The following FOLH1 variants were observed in gnomAD, a reference collection of about 807,000 sequenced individuals.
The protein encoded by FOLH1 is folate hydrolase 1.
In FOLH1, 54 loss-of-function variants were observed where a neutral mutation model predicts 93.9. The observed-to-expected ratio is 0.57, with a 90% CI of 0.46 to 0.72. The LOEUF (loss-of-function observed/expected upper bound fraction) is 0.72. Among genes scored for constraint, FOLH1 ranks in the 30% least tolerant of loss-of-function variants. The pLI is 0.00. For synonymous variants in FOLH1, 249 were observed against 303.6 expected (o/e 0.82, Z 1.87); for missense variants, 571 against 892.5 (o/e 0.64, Z 4.59).
chr11:49,200,072 T>C lies in FOLH1; in HGVS notation c.411+183A>G, dbSNP rs1863102715. Reference sequence around the variant, plus strand: ...TTTCTCGAATCTTTCTAAAACACAGTAAACTCAAACATCATAGGAAAGTAG... The same window carrying C: ...TTTCTCGAATCTTTCTAAAACACAGCAAACTCAAACATCATAGGAAAGTAG... On this transcript the variant is annotated intron_variant, in intron 3 of 18. Transcript: ENST00000256999. Among the ~76,000 whole-genome samples, 3 of 152,270 alleles carry C rather than the reference T, an allele frequency of 2.0e-5. No individual in the cohort carries two copies. In the South Asian group the frequency reaches 6.2e-4, roughly 32 times the overall value.
At position 49,169,108 on chromosome 11, in the gene FOLH1, A is replaced by G. The variant is rs111982341; in HGVS notation, c.1372+87T>C. ...ATTCCCTAACCACACATTAATGCAT[A>G]GCCTTCCTTGTTAGTGCATAATTTA... On this transcript the variant is annotated intron_variant, in intron 12 of 18. Coordinates refer to ENST00000256999, the MANE Select transcript of FOLH1 (RefSeq NM_004476.3). 3,784 of 1,451,796 alleles carry G rather than the reference A, an allele frequency of 2.6e-3. 91 individuals are homozygous for G. The African/African-American group carries it at 0.047, about 18-fold the overall frequency. 89.9% of individuals were successfully genotyped at this position (1,451,796 alleles called of 1,614,324 possible). A position where few individuals can be genotyped will look rare whatever the true frequency, so the allele number is the denominator to read the frequency against.
At position 49,146,929 on chromosome 11, in the gene FOLH1, G is replaced by T. The variant is rs200462865; in HGVS notation, c.2080C>A (p.Pro694Thr). Residue 694 changes from proline (P) to threonine (T), a missense_variant, in exon 19 of 19, where the codon CCA (proline) becomes ACA (threonine). Pro to Thr is a conservative substitution (Grantham distance 38). Around this residue, in one of 2 missense-constraint regions of FOLH1, gnomAD observed 500 missense variants for 822.9 expected, o/e 0.61. Coordinates refer to ENST00000256999, the MANE Select transcript of FOLH1 (RefSeq NM_004476.3). ...RPFYRHVIYA[P>T]SSHNKYAGES... ...CCTGCATACTTGTTGTGGCTGCTTGGAGCATAGATGACATGCCTGTTGATA... is the reference window on the plus strand; with the variant it reads ...CCTGCATACTTGTTGTGGCTGCTTGTAGCATAGATGACATGCCTGTTGATA... The T allele has an allele frequency of 3.8e-4, 607 of 1,610,998 alleles. No homozygotes were observed. Among genetic ancestry groups the T allele is most frequent in the Middle Eastern group, 5.0e-4 (3 of 6,034 alleles).
intron 7 of FOLH1, among the ~76,000 whole-genome samples, chr11:49,176,278 C>T (rs1590566365): frequency 6.6e-6 from 1 of 152,132 alleles, no homozygotes; most frequent in Admixed American, 6.5e-5. Context: ...CTTTCCAGAG[C>T]ATGTGCTGAA....
At chr11:49,169,123 T>C (rs1231267890) in intron 12 of FOLH1, 72 bp downstream of exon 12, 2 of 1,532,016 alleles carry the variant, frequency 1.3e-6, no homozygotes, top group African/African-American at 2.7e-5. Flanking sequence ...TCCTTGTTAG[T>C]GCATAATTTA....
intron 7 of FOLH1, 83 bp from the exon 8 acceptor site, chr11:49,176,040 G>C: frequency 8.2e-7 from 1 of 1,215,968 alleles, no homozygotes; most frequent in Non-Finnish European, 1.2e-6. Context: ...ACTTTATTGA[G>C]CATCTGCTCA....
At position 49,198,921 on chromosome 11, in the gene FOLH1, T is replaced by C. The variant is rs187812555; in HGVS notation, c.411+1334A>G. ...TGCCACCACGCCTGGCTTAATAATA[T>C]TTTTTAAAGTTATATTGTTAACTAC... On this transcript the variant is annotated intron_variant, in intron 3 of 18. Coordinates refer to ENST00000256999, the MANE Select transcript of FOLH1 (RefSeq NM_004476.3). 1.8e-4 allele frequency among the ~76,000 whole-genome samples: 28 copies of C among 152,118 alleles called. No homozygotes were observed. In the East Asian group the frequency reaches 5.2e-3, roughly 28 times the overall value.
Position 49,183,207 on chromosome 11 carries a change from C to G in FOLH1, c.862G>C (p.Gly288Arg), listed in dbSNP as rs2135178230. The G allele has an allele frequency of 6.2e-7, 1 of 1,612,558 alleles. No individual in the cohort carries two copies. Among genetic ancestry groups the G allele is most frequent in the East Asian group, 2.2e-5 (1 of 44,834 alleles). Residue 288 changes from glycine (G) to arginine (R), a missense_variant, in exon 7 of 19, where the codon GGT becomes CGT. Around this residue, in one of 2 missense-constraint regions of FOLH1, gnomAD observed 500 missense variants for 822.9 expected, o/e 0.61. Transcript: ENST00000256999. ...GGATGAACAGGAATACTTGGAAGACCAACAGCCTCTGCAATTCCACGCCTA... is the reference window on the plus strand; with the variant it reads ...GGATGAACAGGAATACTTGGAAGACGAACAGCCTCTGCAATTCCACGCCTA... Reference protein sequence around the residue: ...AYRRGIAEAVGLPSIPVHPIG... With the variant: ...AYRRGIAEAVRLPSIPVHPIG...
At chr11:49,206,673 G>T (rs1008687312) in intron 1 of FOLH1, 19 of 973,496 alleles carry the variant, frequency 2.0e-5, no homozygotes, top group South Asian at 8.1e-5. Context: ...CTTCTAATTT[G>T]CTCTGATTCT....
chr11:49,156,100 G>A (rs1857007526), intron 15 of FOLH1, among the ~76,000 whole-genome samples: 1 of 151,736 alleles, frequency 6.6e-6, no homozygotes, highest in Non-Finnish European at 1.5e-5. Context: ...CTGCTGCCAG[G>A]TAAGATGTAA....
chr11:49,160,636 G>A (rs1346014534), intron 13 of FOLH1, among the ~76,000 whole-genome samples: 4 of 152,038 alleles, frequency 2.6e-5, no homozygotes, highest in Admixed American at 2.0e-4. Flanking sequence ...TAGAGACGGG[G>A]TTTCACTGTG....
intron 9 of FOLH1, 99 bp downstream of exon 9, chr11:49,174,793 G>C (rs1859798981): frequency 1.5e-5 from 15 of 1,018,984 alleles, no homozygotes; most frequent in South Asian, 3.2e-5. Context: ...TTGTTTGTTT[G>C]TTTGTTTGTT....
At chr11:49,180,553 C>T (rs1158663931) in intron 7 of FOLH1, among the ~76,000 whole-genome samples, 1 of 152,132 alleles carries the variant, frequency 6.6e-6, no homozygotes, top group African/African-American at 2.4e-5. Flanking sequence ...TATTAATAAA[C>T]TTTTATTTCA....
chr11:49,161,059 T>G (rs1857645309), intron 13 of FOLH1, among the ~76,000 whole-genome samples: 1 of 152,186 alleles, frequency 6.6e-6, no homozygotes, highest in Non-Finnish European at 1.5e-5. Context: ...ATGTGATCAA[T>G]TTTAGAGTAA....
chr11:49,165,904 A>G (rs994193548), intron 12 of FOLH1, among the ~76,000 whole-genome samples: 3 of 152,240 alleles, frequency 2.0e-5, no homozygotes, highest in Admixed American at 6.5e-5. Context: ...AAGAGTGGAA[A>G]TTGGGGAGTG....
At chr11:49,206,307 A>G in intron 1 of FOLH1, 135 bp from the exon 2 acceptor site, 3 of 1,343,812 alleles carry the variant, frequency 2.2e-6, no homozygotes, top group Non-Finnish European at 3.1e-6. Flanking sequence ...ATATTTCTGA[A>G]TTTTAATTTC....
At chr11:49,165,249 C>T (rs1161770852) in intron 12 of FOLH1, among the ~76,000 whole-genome samples, 1 of 152,134 alleles carries the variant, frequency 6.6e-6, no homozygotes, top group African/African-American at 2.4e-5. Context: ...ATATTAAGTA[C>T]TTGTCTTTTT....
chr11:49,160,110 G>A (rs1180350797), intron 13 of FOLH1, among the ~76,000 whole-genome samples: 1 of 151,716 alleles, frequency 6.6e-6, no homozygotes, highest in African/African-American at 2.4e-5. Context: ...TTTAGTTTAT[G>A]TGCATAGAGG....
chr11:49,147,675 T>C (rs1483572466), intron 18 of FOLH1, among the ~76,000 whole-genome samples: 1 of 151,938 alleles, frequency 6.6e-6, no homozygotes, highest in Admixed American at 6.6e-5. Flanking sequence ...TGTAATCCCA[T>C]ATATTAGGGA....
chr11:49,175,995 A>G (rs1554992411), intron 7 of FOLH1, 38 bp from the exon 8 acceptor site: 1 of 1,589,672 alleles, frequency 6.3e-7, no homozygotes, highest in Non-Finnish European at 8.6e-7. Context: ...CCACAAAAAA[A>G]CCTTGAAGTA....
Sources: allele counts gnomAD v4.1 joint callset (sites outside exome capture counted in the v4.1 genomes callset), GRCh38; gene constraint gnomAD v4.1.1; regional missense constraint gnomAD v4.1.1; transcripts MANE v1.5; gene names NCBI Gene and HGNC (gene_info 2026-07-23, HGNC 2026-07-21).